SYT12: variants seen among roughly 807,000 people sequenced by gnomAD.
SYT12 encodes synaptotagmin-12.
SYT12 carries 27 observed loss-of-function variants against 39.5 expected under a neutral mutation model. That is an observed-to-expected ratio of 0.68 (90% CI 0.50 to 0.94). The LOEUF is 0.94. Among genes scored for constraint, SYT12 ranks in the 40% least tolerant of loss-of-function variants. The pLI is 0.00. For missense variants in SYT12, 536 were observed against 572.6 expected (o/e 0.94, Z 0.65); for synonymous variants, 233 against 239.7 (o/e 0.97, Z 0.26).
intron 1 of SYT12, among the ~76,000 whole-genome samples, chr11:67,009,076 G>A (rs781760831): frequency 7.9e-5 from 12 of 152,062 alleles, no homozygotes; most frequent in Non-Finnish European, 1.8e-4. Context: ...AGTGCATCTT[G>A]GCTCCCTGCA....
Position 67,034,713 on chromosome 11 carries a change from G to A in SYT12, c.103G>A (p.Ala35Thr), listed in dbSNP as rs928664584. 5.0e-6 allele frequency: 8 copies of A among 1,601,706 alleles called. No individual in the cohort carries two copies. In the Admixed American group the frequency reaches 7.0e-5, roughly 14 times the overall value. Residue 35 changes from alanine to threonine, a missense_variant, in exon 3 of 8, where the codon GCA (alanine) becomes ACA (threonine). Transcript: ENST00000527043. ...AAGALALLGIAAVSLWKLWTS... is the reference protein window; with the variant it reads ...AAGALALLGITAVSLWKLWTS... ...AGGGGCCCTGGCCCTGCTGGGAATC[G>A]CAGCTGTGAGCCTGTGGAAGCTCTG...
At chr11:67,042,976 C>T (rs1162479194) in intron 4 of SYT12, among the ~76,000 whole-genome samples, 1 of 152,186 alleles carries the variant, frequency 6.6e-6, no homozygotes, top group Non-Finnish European at 1.5e-5. Flanking sequence ...GCCCCCCAGC[C>T]TCAGGCAGGG....
rs1854699077 is a variant in SYT12, at chr11:67,049,908, G to C, written c.*1151G>C. 6.6e-6 allele frequency: 1 copy of C among 152,224 alleles called. No individual in the cohort carries two copies. Among genetic ancestry groups the C allele is most frequent in the African/African-American group, 2.4e-5 (1 of 41,454 alleles). The allele number at this position is 152,224 out of a possible 1,614,324, so 9.4% of individuals were successfully genotyped here. A position where few individuals can be genotyped will look rare whatever the true frequency, so the allele number is the denominator to read the frequency against. On this transcript the variant is annotated 3_prime_UTR_variant, in exon 8 of 8. Transcript: ENST00000527043. ...CACGGGGTGGGTGCCCCCGACACCG[G>C]GTCTCCTAGCTTGAGTTCCCTAGAA...
At chr11:67,045,202 G>A (rs1344310111) in intron 6 of SYT12, among the ~76,000 whole-genome samples, 3 of 151,740 alleles carry the variant, frequency 2.0e-5, no homozygotes, top group Admixed American at 1.3e-4. Flanking sequence ...AGCAGTGACC[G>A]TGGAGGCAGC....
chr11:67,045,254 A>T (rs1210325810), intron 6 of SYT12, among the ~76,000 whole-genome samples: 1 of 118,352 alleles, frequency 8.4e-6, no homozygotes, highest in Non-Finnish European at 1.7e-5. Flanking sequence ...GGGGAGCCTG[A>T]TCTATTGGGA....
chr11:67,045,377 G>A (rs925579942), intron 6 of SYT12, among the ~76,000 whole-genome samples: 5 of 152,140 alleles, frequency 3.3e-5, no homozygotes, highest in African/African-American at 1.2e-4. Flanking sequence ...TTTCAGAGCC[G>A]CACACGGTTG....
At chr11:67,041,510 T>C (rs1036521848) in intron 4 of SYT12, among the ~76,000 whole-genome samples, 1 of 151,900 alleles carries the variant, frequency 6.6e-6, no homozygotes, top group East Asian at 1.9e-4. Context: ...AAAATGAAAA[T>C]AATAAGACCA....
Position 67,039,882 on chromosome 11 carries a change from TGAG to T in SYT12, c.303_305del (p.Glu101del). ...CCAGCCGCAAAGGCAGTCTCAGCATTGAGGACACCTTTGAGAGCATCAGTGAAC... is the reference window on the plus strand; with the variant it reads ...CCAGCCGCAAAGGCAGTCTCAGCATTGACACCTTTGAGAGCATCAGTGAAC... On this transcript the variant is annotated inframe_deletion, in exon 4 of 8. Transcript: ENST00000527043. 6.2e-7 allele frequency: 1 copy of T among 1,613,560 alleles called. No homozygotes were observed. Among genetic ancestry groups the T allele is most frequent in the Non-Finnish European group, 8.5e-7 (1 of 1,179,996 alleles).
intron 3 of SYT12, among the ~76,000 whole-genome samples, chr11:67,037,170 G>T (rs746109634): frequency 1.3e-5 from 2 of 152,144 alleles, no homozygotes; most frequent in Non-Finnish European, 2.9e-5. Flanking sequence ...CACAAGAATT[G>T]CTTGAACCTA....
intron 3 of SYT12, among the ~76,000 whole-genome samples, chr11:67,017,065 G>A (rs1950064239): frequency 6.6e-6 from 1 of 152,202 alleles, no homozygotes; most frequent in Non-Finnish European, 1.5e-5. Flanking sequence ...TACCAGGCAT[G>A]AGCTCCTTTA....
intron 2 of SYT12, chr11:67,031,821 C>T (rs1950272321): frequency 6.6e-6 from 1 of 152,286 alleles, no homozygotes; most frequent in Non-Finnish European, 1.5e-5. Flanking sequence ...TGCCACCTGG[C>T]TGTGCCCACA....
intron 2 of SYT12, among the ~76,000 whole-genome samples, chr11:67,033,799 T>C (rs548558665): frequency 7.2e-4 from 109 of 152,316 alleles, no homozygotes; most frequent in African/African-American, 2.3e-3. Flanking sequence ...CCAGGTTTCC[T>C]GGGAGAGGGA....
At chr11:67,044,532 T>C (rs1950573548) in intron 5 of SYT12, 61 bp from the exon 6 acceptor site, 2 of 1,570,766 alleles carry the variant, frequency 1.3e-6, no homozygotes, top group Admixed American at 1.8e-5. Flanking sequence ...AACCAAGGCT[T>C]TCCCTGGACC....
intron 2 of SYT12, among the ~76,000 whole-genome samples, chr11:67,033,643 G>A (rs1950310648): frequency 6.6e-6 from 1 of 152,238 alleles, no homozygotes. Context: ...CCTTGGGCAA[G>A]TTCTTTAGCC....
In SYT12 at chr11:67,043,775, G is replaced by T. The variant is rs1590652805; in HGVS notation, c.759G>T (p.Val253=). ...ATGAGCGCAACGTCAGCACGGGGGT[G>T]GTGGAGCTGAAGCTTTCTGTGCTTG... is the stretch of plus-strand genomic sequence containing the variant. ...DEDERNVSTG[V]VELKLSVLDL... The change falls in exon 5 of 8, where the codon GTG becomes GTT. Residue 253 remains valine (V), a synonymous_variant. Transcript: ENST00000527043. 3 of 1,614,138 alleles carry T rather than the reference G, an allele frequency of 1.9e-6. No homozygotes were observed. The highest frequency in any genetic ancestry group is 1.6e-4 in the Middle Eastern group (1 of 6,062).
At chr11:67,029,684 T>A (rs1409334459) in intron 1 of SYT12, 1 of 156,826 alleles carries the variant, frequency 6.4e-6, no homozygotes, top group African/African-American at 2.4e-5. Context: ...TGAAACCGCA[T>A]CTCTACAAAA....
At chr11:67,042,224 G>A (rs534957362) in intron 4 of SYT12, among the ~76,000 whole-genome samples, 2 of 152,294 alleles carry the variant, frequency 1.3e-5, no homozygotes, top group Admixed American at 1.3e-4. Context: ...TGGTTATTGA[G>A]GAAGAGATGG....
rs201594640 is a variant in SYT12, at chr11:67,043,722, C to T, written c.706C>T (p.Arg236Trp). ...CACAGCCCTGGAGGAGAAGAGCCTG[C>T]GGTTTTCTGTATTTGGCATCGATGA... is the stretch of plus-strand genomic sequence containing the variant. ...DPTALEEKSL[R>W]FSVFGIDEDE... Residue 236 changes from arginine (R) to tryptophan (W), a missense_variant, in exon 5 of 8, where the codon CGG (arginine) becomes TGG (tryptophan). By Grantham distance (101) the Arg-to-Trp change is moderately radical. Transcript: ENST00000527043. 53 of 1,614,136 alleles carry T rather than the reference C, an allele frequency of 3.3e-5. No individual in the cohort carries two copies. Among genetic ancestry groups the T allele is most frequent in the African/African-American group, 8.0e-5 (6 of 75,060 alleles).
intron 4 of SYT12, among the ~76,000 whole-genome samples, chr11:67,041,106 G>T (rs945997150): frequency 2.0e-5 from 3 of 152,166 alleles, no homozygotes; most frequent in South Asian, 4.1e-4. Context: ...AGCCCAGGAG[G>T]TTGAGGCTGC....
Sources: gnomAD v4.1 joint callset for allele counts (sites outside exome capture counted in the v4.1 genomes callset) on GRCh38, gnomAD v4.1.1 for gene constraint, MANE v1.5 for transcripts, NCBI Gene and HGNC (gene_info 2026-07-23, HGNC 2026-07-21) for gene names.